The following MED12L variants were observed in gnomAD, a reference collection of about 807,000 sequenced individuals.
MED12L encodes mediator of RNA polymerase II transcription subunit 12-like protein.
In MED12L, 60 loss-of-function variants were observed where a neutral mutation model predicts 281.3. The ratio of observed to expected loss-of-function variants is 0.21; its 90% CI spans 0.17 to 0.26. The LOEUF is 0.26. Ranked by LOEUF, MED12L falls within the 10% of genes least tolerant of loss-of-function variation. The pLI, the probability that MED12L is intolerant of heterozygous loss-of-function variation, is 1.00. For synonymous variants in MED12L, 974 were observed against 987.2 expected (o/e 0.99, Z 0.25); for missense variants, 2,146 against 2,680.9 (o/e 0.80, Z 4.41).
chr3:151,109,176 C>T (rs1219295515), intron 2 of MED12L, among the ~76,000 whole-genome samples: 2 of 151,854 alleles, frequency 1.3e-5, no homozygotes, highest in Non-Finnish European at 2.9e-5. Context: ...TCCTGCCTCC[C>T]GAGTAGCTGG....
At position 151,433,789 on chromosome 3, in the gene MED12L, A is replaced by G. The variant is rs1719793078; in HGVS notation, c.*985A>G. On this transcript the variant is annotated 3_prime_UTR_variant, in exon 45 of 45. Coordinates refer to ENST00000687756, the MANE Select transcript of MED12L (RefSeq NM_001393769.1). The stretch of plus-strand genomic sequence containing the variant: ...TTCATAAAAGGTGTATTTGCTGTTT[A>G]TTTTGTATGGTAAGTATTTGCTCTT... 6.6e-6 allele frequency: 1 copy of G among 152,570 alleles called. No homozygotes were observed. The highest frequency in any genetic ancestry group is 2.1e-4 in the South Asian group (1 of 4,830). The allele number at this position is 152,570 out of a possible 1,614,324, so 9.5% of individuals were successfully genotyped here. A position where few individuals can be genotyped will look rare whatever the true frequency, so the allele number is the denominator to read the frequency against.
At chr3:151,419,698 A>T (rs1718020850) in intron 43 of MED12L, among the ~76,000 whole-genome samples, 1 of 152,020 alleles carries the variant, frequency 6.6e-6, no homozygotes, top group Admixed American at 6.6e-5. Context: ...TCAAATAAAG[A>T]CAATAGTAAG....
intron 41 of MED12L, among the ~76,000 whole-genome samples, chr3:151,411,914 T>C (rs1716983500): frequency 1.3e-5 from 2 of 152,262 alleles, no homozygotes; most frequent in Admixed American, 6.5e-5. Flanking sequence ...ATTGCAATAC[T>C]AATTGTGCAT....
intron 39 of MED12L, among the ~76,000 whole-genome samples, chr3:151,400,915 T>TA (rs1040136775): frequency 6.6e-6 from 1 of 152,136 alleles, no homozygotes; most frequent in Non-Finnish European, 1.5e-5. Flanking sequence ...ATTATTTTTT[T>TA]AAAAAAAATT....
chr3:151,372,660 T>C lies in MED12L; in HGVS notation c.3758T>C (p.Ile1253Thr), dbSNP rs1354803301. The change falls in exon 27 of 45, where the codon ATC becomes ACC. Residue 1253 changes from isoleucine to threonine, a missense_variant. Ile to Thr is a moderately conservative substitution (Grantham distance 89). This residue lies in a region of MED12L where 235 missense variants were observed against 260.3 expected (regional missense o/e 0.90). Coordinates refer to ENST00000687756, the MANE Select transcript of MED12L (RefSeq NM_001393769.1). ...GLRCDGNADD[I>T]WTASQNPKSC... ...CGATGTGATGGGAATGCTGATGATA[T>C]CTGGACTGCCTCACAAAATCCAAAA... The C allele has an allele frequency of 1.2e-6, 2 of 1,613,956 alleles. No homozygotes were observed. Among genetic ancestry groups the C allele is most frequent in the Non-Finnish European group, 1.7e-6 (2 of 1,179,850 alleles).
chr3:151,390,011 T>C lies in MED12L; in HGVS notation c.5484T>C (p.Pro1828=). 1 of 1,614,092 alleles carries C rather than the reference T, an allele frequency of 6.2e-7. No individual in the cohort carries two copies. The highest frequency in any genetic ancestry group is 8.5e-7 in the Non-Finnish European group (1 of 1,179,970). Residue 1828 remains proline, a synonymous_variant, in exon 38 of 45, where the codon CCT becomes CCC. Coordinates refer to ENST00000687756, the MANE Select transcript of MED12L (RefSeq NM_001393769.1). ...CACAGAGCAACATATACCGAGTGCCTCCTAATTACTCGCCTATCTCCTCCC... is the reference window on the plus strand; with the variant it reads ...CACAGAGCAACATATACCGAGTGCCCCCTAATTACTCGCCTATCTCCTCCC... ...EYPQSNIYRV[P]PNYSPISSQM... is the part of the protein sequence containing the mutation.
chr3:151,298,219 A>G (rs942340870), intron 16 of MED12L, among the ~76,000 whole-genome samples: 3 of 152,202 alleles, frequency 2.0e-5, no homozygotes, highest in Non-Finnish European at 4.4e-5. Context: ...ATTTCTCTAT[A>G]TGATATTTCC....
intron 16 of MED12L, among the ~76,000 whole-genome samples, chr3:151,239,596 T>A (rs1733660656): frequency 6.6e-6 from 1 of 152,210 alleles, no homozygotes; most frequent in African/African-American, 2.4e-5. Context: ...ATTTAAAAGT[T>A]TTATAACTGT....
At position 151,213,479 on chromosome 3, in the gene MED12L, T is replaced by A. The variant is rs769208048; in HGVS notation, c.2250+19813T>A. 1.2e-5 allele frequency: 19 copies of A among 1,614,008 alleles called. No homozygotes were observed. Among genetic ancestry groups the A allele is most frequent in the Non-Finnish European group, 1.6e-5 (19 of 1,180,016 alleles). ...ACATTTGCAGCAGATAGTAGCAGAG[T>A]GAATTCTTTCATATACCGCAAGATT... On this transcript the variant is annotated intron_variant, in intron 16 of 44. Coordinates refer to ENST00000687756, the MANE Select transcript of MED12L (RefSeq NM_001393769.1).
At chr3:151,288,135 A>G (rs1424944476) in intron 16 of MED12L, among the ~76,000 whole-genome samples, 3 of 152,162 alleles carry the variant, frequency 2.0e-5, no homozygotes, top group African/African-American at 4.8e-5. Flanking sequence ...TGCCCCAGAG[A>G]GTATTTGTTG....
chr3:151,394,631 T>C (rs762757663), intron 38 of MED12L, 25 bp from the exon 39 acceptor site: 5 of 1,612,332 alleles, frequency 3.1e-6, no homozygotes, highest in African/African-American at 1.3e-5. Context: ...AGTTAGAAAG[T>C]GTTTCCTTTT....
chr3:151,317,412 TGACAAA>T (rs1748403166), intron 16 of MED12L, among the ~76,000 whole-genome samples: 1 of 144,752 alleles, frequency 6.9e-6, no homozygotes, highest in African/African-American at 2.5e-5. Context: ...CATCCAACAA[TGACAAA>T]TTTATATAAT....
At chr3:151,095,181 C>T (rs946402438) in intron 2 of MED12L, among the ~76,000 whole-genome samples, 1 of 152,160 alleles carries the variant, frequency 6.6e-6, no homozygotes, top group African/African-American at 2.4e-5. Context: ...CAGTGACCTG[C>T]AGGAGCAGGT....
intron 16 of MED12L, among the ~76,000 whole-genome samples, chr3:151,229,912 A>G (rs191165030): frequency 2.6e-5 from 4 of 152,284 alleles, no homozygotes; most frequent in African/African-American, 9.6e-5. Context: ...TGTATTTGAA[A>G]TCAAAGACCT....
chr3:151,288,190 C>CA (rs958514411), intron 16 of MED12L, among the ~76,000 whole-genome samples: 28 of 152,248 alleles, frequency 1.8e-4, no homozygotes, highest in African/African-American at 6.7e-4. Flanking sequence ...GTGGCTGGGA[C>CA]CATGAATGCT....
At chr3:151,109,051 G>A (rs561489102) in intron 2 of MED12L, among the ~76,000 whole-genome samples, 15 of 149,578 alleles carry the variant, frequency 1.0e-4, no homozygotes, top group African/African-American at 3.5e-4. Flanking sequence ...CCGAAGTATC[G>A]AAGGTCTGAA....
chr3:151,175,428 G>A (rs923101942), intron 11 of MED12L, among the ~76,000 whole-genome samples: 2 of 152,048 alleles, frequency 1.3e-5, no homozygotes, highest in African/African-American at 2.4e-5. Flanking sequence ...TTTAAAAAAC[G>A]TTTCAACTCT....
intron 2 of MED12L, among the ~76,000 whole-genome samples, chr3:151,099,774 G>T (rs1343203000): frequency 6.6e-6 from 1 of 152,160 alleles, no homozygotes; most frequent in African/African-American, 2.4e-5. Context: ...CAAGGATGGG[G>T]TGGGTGAGGG....
chr3:151,213,847 A>G lies in MED12L; in HGVS notation c.2250+20181A>G. On this transcript the variant is annotated intron_variant, in intron 16 of 44. Transcript: ENST00000687756. ...CCTAACACTCTGGTTGGTGAGAATA[A>G]TATTTGGAACAGCAAGGAGGAGCAT... 4 of 1,614,154 alleles carry G rather than the reference A, an allele frequency of 2.5e-6. No homozygotes were observed. In the South Asian group the frequency reaches 3.3e-5, roughly 13 times the overall value.
Sources: allele counts gnomAD v4.1 joint callset (sites outside exome capture counted in the v4.1 genomes callset), GRCh38; gene constraint gnomAD v4.1.1; regional missense constraint gnomAD v4.1.1; transcripts MANE v1.5; gene names NCBI Gene and HGNC (gene_info 2026-07-23, HGNC 2026-07-21).